IGSF11: variants seen among roughly 807,000 people sequenced by gnomAD.
IGSF11 encodes CXADR like 1.
In IGSF11, 22 loss-of-function variants were observed where a neutral mutation model predicts 41.0. That is an observed-to-expected ratio of 0.54 (90% CI 0.38 to 0.77). IGSF11 has a LOEUF of 0.77. Ranked by LOEUF, IGSF11 falls within the 30% of genes least tolerant of loss-of-function variation. The pLI is 0.00. For missense variants in IGSF11, 444 were observed against 530.8 expected (o/e 0.84, Z 1.61); for synonymous variants, 219 against 201.3 (o/e 1.09, Z -0.74).
At chr3:118,936,282 A>T (rs1943269152) in intron 1 of IGSF11, among the ~76,000 whole-genome samples, 1 of 151,884 alleles carries the variant, frequency 6.6e-6, no homozygotes, top group Non-Finnish European at 1.5e-5. Context: ...TGAGGCAGGC[A>T]GATCACTTGA....
intron 4 of IGSF11, among the ~76,000 whole-genome samples, chr3:118,909,279 A>G (rs1037500643): frequency 6.6e-6 from 1 of 152,126 alleles, no homozygotes; most frequent in Non-Finnish European, 1.5e-5. Context: ...CATTTCTTAT[A>G]TAAAAGTTTC....
intron 1 of IGSF11, among the ~76,000 whole-genome samples, chr3:119,033,797 T>C (rs1031238687): frequency 6.6e-5 from 10 of 151,980 alleles, no homozygotes; most frequent in African/African-American, 1.9e-4. Flanking sequence ...AGGATGAAAA[T>C]CAGGATCTAA....
chr3:119,085,950 G>A (rs2107487839), intron 1 of IGSF11, among the ~76,000 whole-genome samples: 1 of 152,354 alleles, frequency 6.6e-6, no homozygotes, highest in Admixed American at 6.5e-5. Flanking sequence ...GTTGGCCTGA[G>A]CAAAGCGGCT....
intron 1 of IGSF11, among the ~76,000 whole-genome samples, chr3:119,096,084 C>A (rs1287060920): frequency 6.6e-6 from 1 of 152,034 alleles, no homozygotes; most frequent in Non-Finnish European, 1.5e-5. Context: ...TTAACTCCAG[C>A]AACTACCTAG....
chr3:119,107,615 G>T (rs2077057387), upstream of IGSF11, among the ~76,000 whole-genome samples: 1 of 151,918 alleles, frequency 6.6e-6, no homozygotes, highest in African/African-American at 2.4e-5. Flanking sequence ...GTCAATTTTG[G>T]CTTTTGTTGC....
chr3:118,957,818 C>T (rs114015289), intron 1 of IGSF11, among the ~76,000 whole-genome samples: 79 of 152,298 alleles, frequency 5.2e-4, no homozygotes, highest in Non-Finnish European at 7.2e-4. Flanking sequence ...AACAAAGGAA[C>T]GCCTGGTTTT....
rs2077514245 is a variant in IGSF11, at chr3:119,133,526, G to GGTGAATCTC, written c.-14+12278_-14+12286dup. Among the ~76,000 whole-genome samples the GGTGAATCTC allele has an allele frequency of 4.6e-5, 7 of 152,268 alleles. No individual in the cohort carries two copies. In the South Asian group the frequency reaches 1.5e-3, roughly 32 times the overall value. On this transcript the variant is annotated intron_variant, in intron 1 of 7. Transcript: ENST00000425327. ...CCTCTCAAGAATAAACCAGGAAGAAGGTGAATCTCTGAATAGACCAATAAC... is the reference window on the plus strand; with the variant it reads ...CCTCTCAAGAATAAACCAGGAAGAAGGTGAATCTCGTGAATCTCTGAATAGACCAATAAC...
chr3:118,965,464 T>C (rs1306966048), intron 1 of IGSF11, among the ~76,000 whole-genome samples: 1 of 152,094 alleles, frequency 6.6e-6, no homozygotes, highest in Non-Finnish European at 1.5e-5. Context: ...CTGATTTGTT[T>C]TGTTGCTTTT....
chr3:119,071,428 T>G (rs1372588829), intron 1 of IGSF11, among the ~76,000 whole-genome samples: 1 of 152,202 alleles, frequency 6.6e-6, no homozygotes, highest in African/African-American at 2.4e-5. Flanking sequence ...TTTAGACCTC[T>G]TATCCCTTCT....
chr3:118,957,818 C>A, intron 1 of IGSF11, among the ~76,000 whole-genome samples: 1 of 152,298 alleles, frequency 6.6e-6, no homozygotes, highest in African/African-American at 2.4e-5. Flanking sequence ...AACAAAGGAA[C>A]GCCTGGTTTT....
intron 1 of IGSF11, among the ~76,000 whole-genome samples, chr3:119,104,044 G>A (rs1389470097): frequency 6.6e-6 from 1 of 152,046 alleles, no homozygotes; most frequent in Non-Finnish European, 1.5e-5. Flanking sequence ...ATTGATTTCT[G>A]AGAGAATAGG....
intron 1 of IGSF11, among the ~76,000 whole-genome samples, chr3:119,065,428 GGTCT>G (rs1198065047): frequency 6.6e-6 from 1 of 151,892 alleles, no homozygotes; most frequent in Non-Finnish European, 1.5e-5. Context: ...ATGACACAGT[GGTCT>G]GTAATTTTTT....
chr3:119,021,946 C>A (rs1939335027), intron 1 of IGSF11, among the ~76,000 whole-genome samples: 1 of 152,080 alleles, frequency 6.6e-6, no homozygotes, highest in African/African-American at 2.4e-5. Context: ...CCAGTACTTC[C>A]ACAAACATGT....
intron 1 of IGSF11, among the ~76,000 whole-genome samples, chr3:119,020,371 C>T (rs894691407): frequency 1.3e-5 from 2 of 152,206 alleles, no homozygotes; most frequent in African/African-American, 2.4e-5. Context: ...CACTCTTACA[C>T]ACTCATGCAC....
upstream of IGSF11, among the ~76,000 whole-genome samples, chr3:119,109,967 A>T (rs1422265850): frequency 6.6e-6 from 1 of 152,048 alleles, no homozygotes; most frequent in East Asian, 1.9e-4. Flanking sequence ...CTTTGTTATA[A>T]TTTCTGTTCT....
At chr3:118,964,157 A>T (rs1191192799) in intron 1 of IGSF11, among the ~76,000 whole-genome samples, 1 of 152,138 alleles carries the variant, frequency 6.6e-6, no homozygotes, top group East Asian at 1.9e-4. Flanking sequence ...CACCTACAGC[A>T]TCCTATACAT....
At chr3:119,039,779 T>C (rs920038258), upstream of IGSF11, among the ~76,000 whole-genome samples, 3 of 152,194 alleles carry the variant, frequency 2.0e-5, no homozygotes, top group Non-Finnish European at 2.9e-5. Flanking sequence ...TGTATAGCTC[T>C]CCTTTCACTT....
upstream of IGSF11, chr3:119,034,915 C>G (rs1010789165): frequency 1.0e-5 from 10 of 960,428 alleles, no homozygotes; most frequent in Non-Finnish European, 1.3e-5. Context: ...AGCCGCAGCT[C>G]GGCTCCTCGC....
chr3:119,128,002 G>A (rs975390051), intron 1 of IGSF11, among the ~76,000 whole-genome samples: 2 of 152,204 alleles, frequency 1.3e-5, no homozygotes, highest in African/African-American at 2.4e-5. Context: ...CAACTAGTGT[G>A]CAAAACAACC....
Sources: gnomAD v4.1 joint callset for allele counts (sites outside exome capture counted in the v4.1 genomes callset) on GRCh38, gnomAD v4.1.1 for gene constraint, MANE v1.5 for transcripts, NCBI Gene and HGNC (gene_info 2026-07-23, HGNC 2026-07-21) for gene names.